GPR149: variants seen among roughly 807,000 people sequenced by gnomAD.
GPR149 encodes probable G protein-coupled receptor 149.
A neutral mutation model predicts 50.2 loss-of-function variants in GPR149; 50 were observed. The observed-to-expected ratio is 1.00, with a 90% CI of 0.79 to 1.26. The LOEUF (loss-of-function observed/expected upper bound fraction) is 1.26. Among genes scored for constraint, GPR149 ranks in the 50% most tolerant of loss-of-function variants. The probability of loss-of-function intolerance (pLI) is 0.00; values close to 1 mark genes in which losing one functional copy is unlikely to be tolerated. For missense variants in GPR149, 983 were observed against 895.4 expected (o/e 1.10, Z -1.25); for synonymous variants, 405 against 358.2 (o/e 1.13, Z -1.48).
At chr3:154,416,096 GT>G in intron 3 of GPR149, among the ~76,000 whole-genome samples, 1 of 151,874 alleles carries the variant, frequency 6.6e-6, no homozygotes, top group Non-Finnish European at 1.5e-5. Context: ...TTTTTAAATA[GT>G]TTATTTTTTA....
At chr3:154,409,028 G>T (rs1466165560) in intron 3 of GPR149, among the ~76,000 whole-genome samples, 4 of 152,212 alleles carry the variant, frequency 2.6e-5, no homozygotes, top group Non-Finnish European at 5.9e-5. Flanking sequence ...GTGTCTGCAA[G>T]ATCTGAAGAT....
chr3:154,370,714 G>C (rs1483849923), intron 3 of GPR149, among the ~76,000 whole-genome samples: 13 of 152,054 alleles, frequency 8.5e-5, no homozygotes, highest in Admixed American at 8.5e-4. Flanking sequence ...CTTCCTCCTG[G>C]ACACTGGTGT....
intron 2 of GPR149, among the ~76,000 whole-genome samples, chr3:154,423,181 A>T (rs371901820): frequency 6.6e-6 from 1 of 151,922 alleles, no homozygotes. Context: ...AAGGAGAATT[A>T]TCAAGAGACC....
chr3:154,429,179 C>G lies in GPR149; in HGVS notation c.437G>C (p.Arg146Thr). The change falls in exon 1 of 4, where the codon AGA becomes ACA. Residue 146 changes from arginine to threonine, a missense_variant. By Grantham distance (71) the Arg-to-Thr change is moderately conservative (BLOSUM62 -1). Coordinates refer to ENST00000389740, the MANE Select transcript of GPR149 (RefSeq NM_001038705.3). ...RGVGSQTASR[R>T]SGQVLGVVLT... ...CACCACGCCGAGCACCTGGCCCGAT[C>G]TTCTGGAGGCTGTCTGGCTCCCCAC... is the stretch of plus-strand genomic sequence containing the variant. The G allele has an allele frequency of 6.2e-7, 1 of 1,614,050 alleles. No homozygotes were observed. Among genetic ancestry groups the G allele is most frequent in the Non-Finnish European group, 8.5e-7 (1 of 1,179,982 alleles).
intron 3 of GPR149, among the ~76,000 whole-genome samples, chr3:154,389,390 C>A (rs1363637616): frequency 6.6e-6 from 1 of 152,106 alleles, no homozygotes; most frequent in Non-Finnish European, 1.5e-5. Context: ...TGGTGCCATA[C>A]AACTGGGGGA....
At chr3:154,397,929 G>A (rs544029931) in intron 3 of GPR149, among the ~76,000 whole-genome samples, 1 of 148,584 alleles carries the variant, frequency 6.7e-6, no homozygotes, top group African/African-American at 2.4e-5. Context: ...ATGGTTATAA[G>A]ATTTTTGTAA....
chr3:154,385,336 A>T (rs926291129), intron 3 of GPR149, among the ~76,000 whole-genome samples: 7 of 152,222 alleles, frequency 4.6e-5, no homozygotes, highest in African/African-American at 1.7e-4. Flanking sequence ...CCGGTTGTGA[A>T]CAATAAGAAG....
Position 154,429,534 on chromosome 3 carries a change from G to T in GPR149, c.82C>A (p.Pro28Thr). 6.2e-7 allele frequency: 1 copy of T among 1,614,136 alleles called. No individual in the cohort carries two copies. The highest frequency in any genetic ancestry group is 8.5e-7 in the Non-Finnish European group (1 of 1,179,996). The change falls in exon 1 of 4, where the codon CCG becomes ACG. Residue 28 changes from proline to threonine, a missense_variant. By Grantham distance (38) the Pro-to-Thr change is conservative (BLOSUM62 -1). Transcript: ENST00000389740. ...ENHNSTDLLN[P>T]PGTLNIYLFC... ...AGATAGATATTCAGGGTTCCTGGCG[G>T]ATTTAAAAGGTCCGTAGAATTATGA...
At position 154,421,022 on chromosome 3, in the gene GPR149, A is replaced by G; in HGVS notation, c.1623+17T>C. On this transcript the variant is annotated intron_variant, in intron 3 of 3. Transcript: ENST00000389740. ...GTATCACTTTCAATTTAACAGCAAG[A>G]ACAACTTTTACTGTACCTGACGAGG... 6.5e-7 allele frequency: 1 copy of G among 1,549,380 alleles called. No individual in the cohort carries two copies. The highest frequency in any genetic ancestry group is 8.7e-7 in the Non-Finnish European group (1 of 1,145,604).
At chr3:154,412,024 G>A (rs888959101) in intron 3 of GPR149, among the ~76,000 whole-genome samples, 2 of 152,186 alleles carry the variant, frequency 1.3e-5, no homozygotes, top group Admixed American at 6.5e-5. Flanking sequence ...TTTCATACCA[G>A]GAATGCAGGA....
At chr3:154,396,822 AG>A (rs1559984387) in intron 3 of GPR149, among the ~76,000 whole-genome samples, 1 of 151,590 alleles carries the variant, frequency 6.6e-6, no homozygotes, top group Non-Finnish European at 1.5e-5. Flanking sequence ...GTAGTGAGGG[AG>A]TAGAGGTTAA....
intron 3 of GPR149, chr3:154,353,026 C>T (rs1024242551): frequency 4.3e-5 from 58 of 1,358,692 alleles, no homozygotes; most frequent in Non-Finnish European, 5.6e-5. Flanking sequence ...TTAAAACTAT[C>T]TTCTCTGAAG....
chr3:154,355,716 T>A (rs1406978702), intron 3 of GPR149, among the ~76,000 whole-genome samples: 1 of 152,194 alleles, frequency 6.6e-6, no homozygotes, highest in African/African-American at 2.4e-5. Flanking sequence ...AATGAAATAA[T>A]TTTTTATATC....
At chr3:154,394,152 G>C (rs1715235734) in intron 3 of GPR149, among the ~76,000 whole-genome samples, 1 of 151,992 alleles carries the variant, frequency 6.6e-6, no homozygotes, top group Admixed American at 6.6e-5. Context: ...CACATTTCCT[G>C]ATTTTCAAAA....
rs373780996 is a variant in GPR149, at chr3:154,362,204, G to A, written c.1624-23933C>T. ...CTCCAGAGGCTGAGGCAGGAGAATGGTGTGAACCCGGGAGGCGGAGCCTGC... is the reference window on the plus strand; with the variant it reads ...CTCCAGAGGCTGAGGCAGGAGAATGATGTGAACCCGGGAGGCGGAGCCTGC... On this transcript the variant is annotated intron_variant, in intron 3 of 3. Transcript: ENST00000389740. Among the ~76,000 whole-genome samples, 695 of 149,918 alleles carry A rather than the reference G, an allele frequency of 4.6e-3. 4 individuals carry two copies. The highest frequency in any genetic ancestry group is 0.016 in the African/African-American group (650 of 40,816).
At chr3:154,420,588 T>A (rs1340703903) in intron 3 of GPR149, among the ~76,000 whole-genome samples, 1 of 151,972 alleles carries the variant, frequency 6.6e-6, no homozygotes, top group South Asian at 2.1e-4. Flanking sequence ...CCTAATATAC[T>A]TTCAACAGAA....
intron 3 of GPR149, among the ~76,000 whole-genome samples, chr3:154,384,922 C>T (rs915633482): frequency 2.0e-5 from 3 of 152,218 alleles, no homozygotes; most frequent in African/African-American, 7.2e-5. Flanking sequence ...CGAATCATTG[C>T]TGCCTCCTCT....
At chr3:154,363,335 A>T (rs941437072) in intron 3 of GPR149, among the ~76,000 whole-genome samples, 3 of 151,858 alleles carry the variant, frequency 2.0e-5, no homozygotes, top group South Asian at 2.1e-4. Flanking sequence ...ATAATTTACA[A>T]ATTATTCAGT....
chr3:154,353,050 T>C lies in GPR149; in HGVS notation c.1624-14779A>G, dbSNP rs1714121733. 1.0e-5 allele frequency: 14 copies of C among 1,401,082 alleles called. No individual in the cohort carries two copies. The Admixed American group carries it at 2.2e-4, about 22-fold the overall frequency. The allele number at this position is 1,401,082 out of a possible 1,614,324, so 86.8% of individuals were successfully genotyped here. A position where few individuals can be genotyped will look rare whatever the true frequency, so the allele number is the denominator to read the frequency against. ...TCTTCTCTGAAGCCTTTTAGTGTAA[T>C]TTCTCTTTGTGACTGTGCAATATCC... On this transcript the variant is annotated intron_variant, in intron 3 of 3. Coordinates refer to ENST00000389740, the MANE Select transcript of GPR149 (RefSeq NM_001038705.3).
Sources: gnomAD v4.1 joint callset for allele counts (sites outside exome capture counted in the v4.1 genomes callset) on GRCh38, gnomAD v4.1.1 for gene constraint, MANE v1.5 for transcripts, NCBI Gene and HGNC (gene_info 2026-07-23, HGNC 2026-07-21) for gene names.